The following MARCHF1 variants were observed in gnomAD, a reference collection of about 807,000 sequenced individuals.
MARCHF1 encodes membrane associated ring-CH-type finger 1, also known as E3 ubiquitin-protein ligase MARCHF1.
In MARCHF1, 40 loss-of-function variants were observed where a neutral mutation model predicts 54.2. The observed-to-expected ratio is 0.74, with a 90% CI of 0.57 to 0.96. The LOEUF is 0.96. MARCHF1 is among the 40% of genes least tolerant of loss of function. The probability of loss-of-function intolerance (pLI) is 0.00; values close to 1 mark genes in which losing one functional copy is unlikely to be tolerated. For missense variants in MARCHF1, 586 were observed against 656.5 expected, an observed-to-expected ratio of 0.89 and a Z score of 1.17; for synonymous variants, 236 against 236.3, an observed-to-expected ratio of 1.00 and a Z score of 0.01.
At chr4:163,710,368 A>G (rs1257544055) in intron 4 of MARCHF1, among the ~76,000 whole-genome samples, 1 of 148,448 alleles carries the variant, frequency 6.7e-6, no homozygotes, top group Non-Finnish European at 1.5e-5. Context: ...TTGCACCAAC[A>G]TAATATATTA....
chr4:163,748,481 G>C (rs1396914254), intron 4 of MARCHF1, among the ~76,000 whole-genome samples: 1 of 152,004 alleles, frequency 6.6e-6, no homozygotes, highest in Non-Finnish European at 1.5e-5. Flanking sequence ...CAGTCATACT[G>C]GGGATAGCTG....
At chr4:164,369,600 T>C (rs1197822014) in intron 1 of MARCHF1, among the ~76,000 whole-genome samples, 1 of 152,146 alleles carries the variant, frequency 6.6e-6, no homozygotes, top group Non-Finnish European at 1.5e-5. Flanking sequence ...CATATATACA[T>C]ATGTACATAT....
intron 3 of MARCHF1, among the ~76,000 whole-genome samples, chr4:163,910,206 A>G (rs1751160155): frequency 6.6e-6 from 1 of 152,218 alleles, no homozygotes; most frequent in South Asian, 2.1e-4. Flanking sequence ...ATACAAATAT[A>G]TAATACATAT....
At chr4:164,098,879 C>A (rs114388573) in intron 2 of MARCHF1, among the ~76,000 whole-genome samples, 2,059 of 152,286 alleles carry the variant, frequency 0.014, 37 homozygotes, top group African/African-American at 0.047. Context: ...AGGAACTGCT[C>A]ATGCTAATTT....
chr4:163,819,703 C>G (rs1282745548), intron 4 of MARCHF1, among the ~76,000 whole-genome samples: 1 of 152,088 alleles, frequency 6.6e-6, no homozygotes, highest in Non-Finnish European at 1.5e-5. Flanking sequence ...ATGGAAATGT[C>G]TTTATCGTCC....
chr4:163,724,524 T>A (rs954235388), intron 4 of MARCHF1, among the ~76,000 whole-genome samples: 1 of 152,154 alleles, frequency 6.6e-6, no homozygotes, highest in East Asian at 1.9e-4. Flanking sequence ...GAACCACTAC[T>A]CTCTTCAAAG....
chr4:164,061,586 A>G (rs1239798329), intron 2 of MARCHF1, among the ~76,000 whole-genome samples: 1 of 150,296 alleles, frequency 6.7e-6, no homozygotes, highest in African/African-American at 2.4e-5. Flanking sequence ...ATGCTAAATG[A>G]CGAGTTAATG....
chr4:163,694,271 G>A (rs931448070), intron 5 of MARCHF1, among the ~76,000 whole-genome samples: 2 of 152,106 alleles, frequency 1.3e-5, no homozygotes. Context: ...CACTGGTTCA[G>A]TACACATCTC....
At chr4:164,331,177 T>C (rs1271649550) in intron 1 of MARCHF1, among the ~76,000 whole-genome samples, 1 of 151,780 alleles carries the variant, frequency 6.6e-6, no homozygotes, top group African/African-American at 2.4e-5. Context: ...TGAATAGCAT[T>C]ACCTTTTATA....
intron 5 of MARCHF1, among the ~76,000 whole-genome samples, chr4:163,668,184 C>T (rs1561008375): frequency 6.6e-6 from 1 of 152,114 alleles, no homozygotes; most frequent in Non-Finnish European, 1.5e-5. Context: ...AAGTTTACTG[C>T]AGTTTTGTGG....
chr4:163,762,659 T>A (rs561844680), intron 4 of MARCHF1, among the ~76,000 whole-genome samples: 1 of 152,126 alleles, frequency 6.6e-6, no homozygotes, highest in Non-Finnish European at 1.5e-5. Flanking sequence ...CTTAAAATTA[T>A]ACAAATAGCA....
intron 3 of MARCHF1, among the ~76,000 whole-genome samples, chr4:163,974,172 AC>A (rs1560843353): frequency 6.6e-6 from 1 of 152,176 alleles, no homozygotes; most frequent in Admixed American, 6.6e-5. Context: ...AGGGTCTGTG[AC>A]CCCTAATTTT....
chr4:164,218,802 A>T (rs984373909), intron 1 of MARCHF1, among the ~76,000 whole-genome samples: 4 of 151,882 alleles, frequency 2.6e-5, no homozygotes, highest in African/African-American at 9.7e-5. Context: ...ATACATATGT[A>T]ACAAACCTGC....
intron 1 of MARCHF1, among the ~76,000 whole-genome samples, chr4:164,346,766 C>T (rs186760987): frequency 1.3e-5 from 2 of 151,152 alleles, no homozygotes; most frequent in East Asian, 1.9e-4. Context: ...TTGTGCAGCA[C>T]CTAGCATGAG....
intron 8 of MARCHF1, among the ~76,000 whole-genome samples, chr4:163,565,778 T>G (rs187500074): frequency 2.0e-5 from 3 of 152,200 alleles, no homozygotes; most frequent in African/African-American, 7.2e-5. Flanking sequence ...CCCGATTCTG[T>G]TGATTTCCCC....
intron 1 of MARCHF1, among the ~76,000 whole-genome samples, chr4:164,176,970 C>CAA: frequency 1.7e-5 from 1 of 57,438 alleles, no homozygotes; most frequent in African/African-American, 8.0e-5. Flanking sequence ...CTCTCTCTCT[C>CAA]TCTCTCTCTC....
At chr4:164,250,315 T>C (rs2111241754) in intron 1 of MARCHF1, among the ~76,000 whole-genome samples, 1 of 152,210 alleles carries the variant, frequency 6.6e-6, no homozygotes, top group South Asian at 2.1e-4. Context: ...AGTGTAGATA[T>C]TCAAATTAAC....
chr4:163,967,449 T>G (rs2110828745), intron 3 of MARCHF1, among the ~76,000 whole-genome samples: 1 of 152,294 alleles, frequency 6.6e-6, no homozygotes, highest in African/African-American at 2.4e-5. Flanking sequence ...ACTTTGGCAA[T>G]TTGCATAACT....
rs1395201175 is a variant in MARCHF1, at chr4:164,176,974, CTCTCTCTATATA to C, written c.-322-65324_-322-65313del. Among the ~76,000 whole-genome samples, 107 of 29,962 alleles carry C rather than the reference CTCTCTCTATATA, an allele frequency of 3.6e-3. 1 individual carries two copies. The highest frequency in any genetic ancestry group is 5.0e-3 in the African/African-American group (39 of 7,834). The allele number at this position is 29,962 out of a possible 152,430, so 19.7% of individuals were successfully genotyped here. A position where few individuals can be genotyped will look rare whatever the true frequency, so the allele number is the denominator to read the frequency against. ...TCTCTCTCTCTCTCTCTCTCTCTCT[CTCTCTCTATATA>C]TATATATATATATATATATATATAC... On this transcript the variant is annotated intron_variant, in intron 1 of 9. Coordinates refer to ENST00000514618, the MANE Select transcript of MARCHF1 (RefSeq NM_001394959.1).
Sources: gnomAD v4.1 joint callset for allele counts (sites outside exome capture counted in the v4.1 genomes callset) on GRCh38, gnomAD v4.1.1 for gene constraint, MANE v1.5 for transcripts, NCBI Gene and HGNC (gene_info 2026-07-23, HGNC 2026-07-21) for gene names.